The following NAT8L variants were observed in gnomAD, a reference collection of about 807,000 sequenced individuals.
NAT8L encodes the protein N-acetylaspartate synthetase.
Under a neutral mutation model 21.2 loss-of-function variants are expected in NAT8L, and 6 were observed. The ratio of observed to expected loss-of-function variants is 0.28; its 90% CI spans 0.16 to 0.56. NAT8L has a LOEUF of 0.56. NAT8L is among the 20% of genes least tolerant of loss of function. The pLI, the probability that NAT8L is intolerant of heterozygous loss-of-function variation, is 0.93. For synonymous variants in NAT8L, 239 were observed against 204.9 expected (o/e 1.17, Z -1.42); for missense variants, 331 against 433.3 (o/e 0.76, Z 2.10).
intron 2 of NAT8L, among the ~76,000 whole-genome samples, chr4:2,062,658 C>A (rs544173501): frequency 5.9e-5 from 9 of 152,178 alleles, no homozygotes; most frequent in African/African-American, 2.2e-4. Context: ...TTCAGTACCC[C>A]TTTAGCTGCC....
Position 2,066,163 on chromosome 4 carries a change from A to AG in NAT8L, c.*2039dup, listed in dbSNP as rs1729995278. 1 of 152,286 alleles carries AG rather than the reference A, an allele frequency of 6.6e-6. No individual in the cohort carries two copies. The highest frequency in any genetic ancestry group is 2.4e-5 in the African/African-American group (1 of 41,414). 9.4% of individuals were successfully genotyped at this position (152,286 alleles called of 1,614,324 possible). On this transcript the variant is annotated 3_prime_UTR_variant, in exon 3 of 3. Coordinates refer to ENST00000423729, the MANE Select transcript of NAT8L (RefSeq NM_178557.4). ...ACGCCAGGGCAGGGCCTGGAGGCCC[A>AG]GGGACTGCCAGTGTCTCCTTGATAT...
chr4:2,063,657 C>G, intron 2 of NAT8L, 103 bp from the exon 3 acceptor site: 2 of 1,588,328 alleles, frequency 1.3e-6, no homozygotes, highest in African/African-American at 1.3e-5. Flanking sequence ...GGCTTGGTGT[C>G]CAGCTGGAGG....
chr4:2,060,796 C>G lies in NAT8L; in HGVS notation c.377-202C>G, dbSNP rs913219841. 4.6e-5 allele frequency among the ~76,000 whole-genome samples: 7 copies of G among 152,158 alleles called. No individual in the cohort carries two copies. Among genetic ancestry groups the G allele is most frequent in the African/African-American group, 1.7e-4 (7 of 41,442 alleles). On this transcript the variant is annotated intron_variant, in intron 1 of 2. Transcript: ENST00000423729. This position sits in a 1 kb window ranked among gnomAD's most constrained non-coding sequence, Gnocchi z 4.7. ...GCTCAGAGACCCGCCGAGGCTCATT[C>G]CAGGCGGTGGGGGTGGGTGGGGTGG... is the stretch of plus-strand genomic sequence containing the variant.
In NAT8L at chr4:2,063,779, C is replaced by T. The variant is rs752327316; in HGVS notation, c.561C>T (p.Ala187=). ...MKPPGSCFWV[A]VLDGNVVGIV... is the part of the protein sequence containing the mutation. ...CTGCAGGCTCCTGCTTCTGGGTGGC[C>T]GTGCTGGATGGCAACGTGGTGGGCA... Residue 187 remains alanine, a synonymous_variant, in exon 3 of 3, where the codon GCC becomes GCT. Coordinates refer to ENST00000423729, the MANE Select transcript of NAT8L (RefSeq NM_178557.4). 13 of 1,611,778 alleles carry T rather than the reference C, an allele frequency of 8.1e-6. No individual in the cohort carries two copies. In the Admixed American group the frequency reaches 1.0e-4, roughly 12 times the overall value.
rs1376011263 is a variant in NAT8L at position 2,060,914 on chromosome 4, C to A, written c.377-84C>A. 4.8e-6 allele frequency: 3 copies of A among 628,756 alleles called. No individual in the cohort carries two copies. Among genetic ancestry groups the A allele is most frequent in the Non-Finnish European group, 7.5e-6 (3 of 400,462 alleles). The allele number at this position is 628,756 out of a possible 1,614,324, so 38.9% of individuals were successfully genotyped here. ...CCACCAGGAGCGCGGCCGGGCGCGGCGTCCCTAGCGGGCTTCGCCGGGGTG... is the reference window on the plus strand; with the variant it reads ...CCACCAGGAGCGCGGCCGGGCGCGGAGTCCCTAGCGGGCTTCGCCGGGGTG... On this transcript the variant is annotated intron_variant, in intron 1 of 2. Transcript: ENST00000423729. This position sits in a 1 kb window ranked among gnomAD's most constrained non-coding sequence, Gnocchi z 4.7.
rs1730042415 is a variant in NAT8L at position 2,068,139 on chromosome 4, TGC to T, written c.*4013_*4014del. 1 of 152,102 alleles carries T rather than the reference TGC, an allele frequency of 6.6e-6. No individual in the cohort carries two copies. The highest frequency in any genetic ancestry group is 2.1e-4 in the South Asian group (1 of 4,814). 9.4% of individuals were successfully genotyped at this position (152,102 alleles called of 1,614,324 possible). ...GCACGTGTTTGAGCGTGTGTGTGTGTGCAAGTGGGTTCTTGGATATGTGTAGT... is the reference window on the plus strand; with the variant it reads ...GCACGTGTTTGAGCGTGTGTGTGTGTAAGTGGGTTCTTGGATATGTGTAGT... On this transcript the variant is annotated 3_prime_UTR_variant, in exon 3 of 3. Coordinates refer to ENST00000423729, the MANE Select transcript of NAT8L (RefSeq NM_178557.4).
Position 2,063,361 on chromosome 4 carries a change from G to A in NAT8L, c.542-399G>A, listed in dbSNP as rs542377661. ...AAGGCATTTGGTCTGGGAGTAGCTG[G>A]GCAGAGGGCAGCGGCCTGACTGGGC... On this transcript the variant is annotated intron_variant, in intron 2 of 2. Transcript: ENST00000423729. Among the ~76,000 whole-genome samples, 4 of 152,374 alleles carry A rather than the reference G, an allele frequency of 2.6e-5. No individual in the cohort carries two copies. In the East Asian group the frequency reaches 7.7e-4, roughly 29 times the overall value.
intron 2 of NAT8L, among the ~76,000 whole-genome samples, chr4:2,063,064 C>T (rs1009382772): frequency 5.9e-5 from 9 of 152,256 alleles, no homozygotes; most frequent in Non-Finnish European, 1.0e-4. Context: ...AGAATTGGGC[C>T]GTGCTGTGGA....
Position 2,068,002 on chromosome 4 carries a change from CCATGGTGG to C in NAT8L, c.*3876_*3883del, listed in dbSNP as rs1326418924. 2.6e-5 allele frequency: 4 copies of C among 152,450 alleles called. No individual in the cohort carries two copies. Among genetic ancestry groups the C allele is most frequent in the Non-Finnish European group, 5.9e-5 (4 of 68,144 alleles). 9.4% of individuals were successfully genotyped at this position (152,450 alleles called of 1,614,324 possible). On this transcript the variant is annotated 3_prime_UTR_variant, in exon 3 of 3. Coordinates refer to ENST00000423729, the MANE Select transcript of NAT8L (RefSeq NM_178557.4). ...AGAGGTGGCGTGATGCCTCCCGGGG[CCATGGTGG>C]GGTGAAGGATGGCGAGCCGGACATA...
At position 2,061,086 on chromosome 4, in the gene NAT8L, G is replaced by A. The variant is rs750896978; in HGVS notation, c.465G>A (p.Lys155=). Reference sequence around the variant, plus strand: ...GCCTGCGCTACTACTACAGCCGCAAGGTGATCCGCGCCTACCTGGAGTGCG... The same window carrying A: ...GCCTGCGCTACTACTACAGCCGCAAAGTGATCCGCGCCTACCTGGAGTGCG... ...LLGLRYYYSR[K]VIRAYLECAL... Residue 155 remains lysine, a synonymous_variant, in exon 2 of 3, where the codon AAG becomes AAA. Transcript: ENST00000423729. 5.0e-6 allele frequency: 8 copies of A among 1,610,686 alleles called. No homozygotes were observed. The highest frequency in any genetic ancestry group is 3.3e-5 in the Admixed American group (2 of 59,904).
rs114826185 is a variant in NAT8L, at chr4:2,061,194, C to T, written c.541+32C>T. 9,169 of 1,609,644 alleles carry T rather than the reference C, an allele frequency of 5.7e-3. 418 individuals are homozygous for T. In the African/African-American group the frequency reaches 0.1, roughly 18 times the overall value. The stretch of plus-strand genomic sequence containing the variant: ...CCCGCTCCCGCCGCTCCCCGACCTC[C>T]GCCCCAGACAGCCCTCGGGGGCACG... On this transcript the variant is annotated intron_variant, in intron 2 of 2. Transcript: ENST00000423729.
chr4:2,059,447 C>CTG lies in NAT8L; in HGVS notation c.-64_-63dup. The CTG allele has an allele frequency of 1.2e-6, 1 of 811,042 alleles. No individual in the cohort carries two copies. The highest frequency in any genetic ancestry group is 1.5e-6 in the Non-Finnish European group (1 of 674,426). 50.2% of individuals were successfully genotyped at this position (811,042 alleles called of 1,614,324 possible). A position where few individuals can be genotyped will look rare whatever the true frequency, so the allele number is the denominator to read the frequency against. On this transcript the variant is annotated 5_prime_UTR_variant, in exon 1 of 3. Coordinates refer to ENST00000423729, the MANE Select transcript of NAT8L (RefSeq NM_178557.4). The surrounding 1 kb of genome is among the most constrained non-coding windows in gnomAD (Gnocchi z 4.8). The stretch of plus-strand genomic sequence containing the variant: ...GGTCCGAGGGCGCCGCGCCCTTGCC[C>CTG]TGGGCCCGGCCGTGCCCGCCGCCGC...
chr4:2,063,311 C>G (rs1366518853), intron 2 of NAT8L, among the ~76,000 whole-genome samples: 2 of 152,244 alleles, frequency 1.3e-5, no homozygotes, highest in African/African-American at 2.4e-5. Flanking sequence ...TGCACCATGG[C>G]CTGTTCAGGG....
chr4:2,064,308 A>G lies in NAT8L; in HGVS notation c.*181A>G, dbSNP rs1408287844. ...TGCGGGGCTGTTGTTCTTCGGCGAC[A>G]CTTTGGTGGGGGTGGGTTGTTTGTC... On this transcript the variant is annotated 3_prime_UTR_variant, in exon 3 of 3. Coordinates refer to ENST00000423729, the MANE Select transcript of NAT8L (RefSeq NM_178557.4). The G allele has an allele frequency of 6.9e-6, 2 of 291,742 alleles. No individual in the cohort carries two copies. Among genetic ancestry groups the G allele is most frequent in the Non-Finnish European group, 1.2e-5 (2 of 171,820 alleles). The allele number at this position is 291,742 out of a possible 1,614,324, so 18.1% of individuals were successfully genotyped here. A position where few individuals can be genotyped will look rare whatever the true frequency, so the allele number is the denominator to read the frequency against.
chr4:2,063,187 C>G (rs1227617692), intron 2 of NAT8L, among the ~76,000 whole-genome samples: 2 of 152,274 alleles, frequency 1.3e-5, no homozygotes, highest in Non-Finnish European at 2.9e-5. Context: ...CTGCAGGGAG[C>G]CTTCTGGACG....
intron 2 of NAT8L, among the ~76,000 whole-genome samples, chr4:2,063,013 C>G (rs1729923006): frequency 6.6e-6 from 1 of 152,226 alleles, no homozygotes; most frequent in African/African-American, 2.4e-5. Context: ...TTCCCCTCCC[C>G]CACGACCGCC....
rs1336798480 is a variant in NAT8L, at chr4:2,060,028, C to T, written c.376+141C>T. 1 of 400,232 alleles carries T rather than the reference C, an allele frequency of 2.5e-6. No individual in the cohort carries two copies. Among genetic ancestry groups the T allele is most frequent in the South Asian group, 1.1e-4 (1 of 8,852 alleles). The allele number at this position is 400,232 out of a possible 1,614,324, so 24.8% of individuals were successfully genotyped here. On this transcript the variant is annotated intron_variant, in intron 1 of 2. Transcript: ENST00000423729. This position sits in a 1 kb window ranked among gnomAD's most constrained non-coding sequence, Gnocchi z 4.7. ...CCGCTTTCTGCCGCGCCGGGCCCCG[C>T]GCAGGGCTGGCTATGGGCGTGGGGA...
chr4:2,062,936 A>C (rs1297806219), intron 2 of NAT8L, among the ~76,000 whole-genome samples: 2 of 152,220 alleles, frequency 1.3e-5, no homozygotes, highest in Non-Finnish European at 2.9e-5. Context: ...CCCTGTGGCC[A>C]GTGCCTGCAG....
Position 2,063,980 on chromosome 4 carries a change from C to T in NAT8L, c.762C>T (p.Ala254=), listed in dbSNP as rs548020724. Reference sequence around the variant, plus strand: ...TGGGCACGACGGCCGTCAAGGTGGCCGCCCACAAGCTCTACGAGTCGCTGG... The same window carrying T: ...TGGGCACGACGGCCGTCAAGGTGGCTGCCCACAAGCTCTACGAGTCGCTGG... ...VVLGTTAVKV[A]AHKLYESLGF... is the part of the protein sequence containing the mutation. Residue 254 remains alanine, a synonymous_variant, in exon 3 of 3, where the codon GCC becomes GCT. Coordinates refer to ENST00000423729, the MANE Select transcript of NAT8L (RefSeq NM_178557.4). 49 of 1,611,676 alleles carry T rather than the reference C, an allele frequency of 3.0e-5. No individual in the cohort carries two copies. The South Asian group carries it at 3.3e-4, about 11-fold the overall frequency.
Sources: gnomAD v4.1 joint callset for allele counts (sites outside exome capture counted in the v4.1 genomes callset) on GRCh38, gnomAD v4.1.1 for gene constraint, Gnocchi (gnomAD v3.1) non-coding constraint, MANE v1.5 for transcripts, NCBI Gene and HGNC (gene_info 2026-07-23, HGNC 2026-07-21) for gene names.